The following SLC6A20 variants were observed in gnomAD, a reference collection of about 807,000 sequenced individuals.
SLC6A20 encodes the protein solute carrier family 6 member 20.
A neutral mutation model predicts 64.3 loss-of-function variants in SLC6A20; 73 were observed. The ratio of observed to expected loss-of-function variants is 1.14; its 90% confidence interval spans 0.94 to 1.38. SLC6A20 has a LOEUF of 1.38. SLC6A20 is among the 40% of genes most tolerant of loss of function. SLC6A20 has a pLI of 0.00. For missense variants in SLC6A20, 725 were observed against 772.8 expected (o/e 0.94, Z 0.73); for synonymous variants, 347 against 329.6 (o/e 1.05, Z -0.57).
intron 2 of SLC6A20, among the ~76,000 whole-genome samples, chr3:45,780,800 G>A (rs1210655945): frequency 1.3e-5 from 2 of 152,170 alleles, no homozygotes; most frequent in Non-Finnish European, 2.9e-5. Context: ...GTAGAAACCG[G>A]CCATGGTGCC....
chr3:45,785,813 GC>G (rs1324302159), intron 1 of SLC6A20, among the ~76,000 whole-genome samples: 4 of 152,204 alleles, frequency 2.6e-5, no homozygotes, highest in Non-Finnish European at 5.9e-5. Context: ...TGGCCTTGGG[GC>G]TGGCTTTGTC....
intron 3 of SLC6A20, among the ~76,000 whole-genome samples, chr3:45,776,227 G>A (rs1252426300): frequency 2.0e-5 from 3 of 152,144 alleles, no homozygotes; most frequent in Non-Finnish European, 4.4e-5. Flanking sequence ...TTCTACGGGT[G>A]TTCCTTGAGG....
rs1251178708 is a variant in SLC6A20 at position 45,765,787 on chromosome 3, A to G, written c.1099-46T>C. 5 of 1,606,406 alleles carry G rather than the reference A, an allele frequency of 3.1e-6. No individual in the cohort carries two copies. In the African/African-American group the frequency reaches 4.0e-5, roughly 13 times the overall value. ...CCAGTTACATGCAAGAGGGACTTAT[A>G]GTCTTATTCACGCACTCAGTACTAA... is the stretch of plus-strand genomic sequence containing the variant. On this transcript the variant is annotated intron_variant, in intron 7 of 10. Coordinates refer to ENST00000358525, the MANE Select transcript of SLC6A20 (RefSeq NM_020208.4). The surrounding 1 kb of genome is among the most constrained non-coding windows in gnomAD (Gnocchi z 4.2).
intron 3 of SLC6A20, among the ~76,000 whole-genome samples, chr3:45,776,764 A>G (rs1699975408): frequency 1.3e-5 from 2 of 152,258 alleles, no homozygotes; most frequent in South Asian, 4.1e-4. Context: ...GAGAACAAGC[A>G]GAGGCTGTTT....
At chr3:45,774,137 G>A (rs1323369016) in intron 4 of SLC6A20, among the ~76,000 whole-genome samples, 1 of 152,238 alleles carries the variant, frequency 6.6e-6, no homozygotes, top group Non-Finnish European at 1.5e-5. Context: ...TCCAACAGAG[G>A]ATGCCAGGAA....
chr3:45,777,932 T>C (rs1699998501), intron 3 of SLC6A20, among the ~76,000 whole-genome samples: 1 of 152,108 alleles, frequency 6.6e-6, no homozygotes, highest in Non-Finnish European at 1.5e-5. Context: ...GGATAGGGCC[T>C]GGTCATTGGA....
chr3:45,766,680 C>T (rs191548388), intron 7 of SLC6A20, among the ~76,000 whole-genome samples: 83 of 152,318 alleles, frequency 5.4e-4, no homozygotes, highest in African/African-American at 1.7e-3. Context: ...TCTGACCAGA[C>T]TGTAGCCTTA....
In SLC6A20 at chr3:45,762,875, G is replaced by A. The variant is rs756882702; in HGVS notation, c.1463+38C>T. 8 of 1,610,510 alleles carry A rather than the reference G, an allele frequency of 5.0e-6. No individual in the cohort carries two copies. The Admixed American group carries it at 1.2e-4, about 24-fold the overall frequency. On this transcript the variant is annotated intron_variant, in intron 9 of 10. Transcript: ENST00000358525. ...TGAGGGGCGTGGCCTCTGTGGCTGTGTTTTCCCTATGCAAATGAGGGTCCT... is the reference window on the plus strand; with the variant it reads ...TGAGGGGCGTGGCCTCTGTGGCTGTATTTTCCCTATGCAAATGAGGGTCCT...
At chr3:45,771,782 T>C (rs1164656480) in intron 5 of SLC6A20, 13 of 430,070 alleles carry the variant, frequency 3.0e-5, no homozygotes, top group Non-Finnish European at 5.6e-5. Flanking sequence ...CTCACCACTA[T>C]ACGCCAGTGC....
intron 1 of SLC6A20, chr3:45,791,809 G>A (rs1177710879): frequency 6.6e-6 from 1 of 152,184 alleles, no homozygotes; most frequent in Non-Finnish European, 1.5e-5. Flanking sequence ...TCACTATCAC[G>A]AGAACAGCAC....
rs751086599 is a variant in SLC6A20 at position 45,763,045 on chromosome 3, A to G, written c.1331T>C (p.Ile444Thr). Residue 444 changes from isoleucine to threonine, a missense_variant, in exon 9 of 11, where the codon ATT becomes ACT. Physicochemically the swap from Ile to Thr is moderately conservative, Grantham distance 89 (BLOSUM62 -1). Coordinates refer to ENST00000358525, the MANE Select transcript of SLC6A20 (RefSeq NM_020208.4). ...SGLVCLVNCA[I>T]GMVFTMEAGN... is the part of the protein sequence containing the mutation. ...AGCCTCCATCGTGAACACCATGCCAATGGCACAGTTGACAAGGCACACCAG... is the reference window on the plus strand; with the variant it reads ...AGCCTCCATCGTGAACACCATGCCAGTGGCACAGTTGACAAGGCACACCAG... The G allele has an allele frequency of 1.1e-5, 18 of 1,613,978 alleles. No homozygotes were observed. The highest frequency in any genetic ancestry group is 2.2e-5 in the South Asian group (2 of 91,076).
intron 5 of SLC6A20, 101 bp downstream of exon 5, chr3:45,772,404 C>T (rs974796370): frequency 4.8e-6 from 5 of 1,050,914 alleles, no homozygotes; most frequent in Admixed American, 2.7e-5. Flanking sequence ...TCCGTAGGTA[C>T]AGCGTTGGCC....
chr3:45,772,459 G>A, intron 5 of SLC6A20, 46 bp downstream of exon 5: 1 of 1,538,810 alleles, frequency 6.5e-7, no homozygotes, highest in Non-Finnish European at 8.9e-7. Context: ...GAAGGTGGCA[G>A]GATAAGTGAG....
intron 1 of SLC6A20, among the ~76,000 whole-genome samples, chr3:45,783,050 C>T (rs1700123303): frequency 6.6e-6 from 1 of 152,254 alleles, no homozygotes; most frequent in Non-Finnish European, 1.5e-5. Context: ...TGTGCACAGC[C>T]CTGATGGTGC....
At chr3:45,772,702 G>A (rs1205607306) in intron 4 of SLC6A20, 87 bp from the exon 5 acceptor site, 1 of 1,072,846 alleles carries the variant, frequency 9.3e-7, no homozygotes, top group African/African-American at 1.6e-5. Context: ...CACATCTGGG[G>A]TATTCAGGCT....
chr3:45,759,716 A>G lies in SLC6A20; in HGVS notation c.1629+141T>C, dbSNP rs575449683. ...CTCCTCCGTGCTGGACTATTTCTAA[A>G]ATACCTCAGTGATATTTCCATGTCG... On this transcript the variant is annotated intron_variant, in intron 10 of 10. Transcript: ENST00000358525. 23 of 1,149,954 alleles carry G rather than the reference A, an allele frequency of 2.0e-5. No individual in the cohort carries two copies. In the African/African-American group the frequency reaches 3.6e-4, roughly 18 times the overall value. The allele number at this position is 1,149,954 out of a possible 1,614,324, so 71.2% of individuals were successfully genotyped here.
chr3:45,763,451 C>T (rs1699720975), intron 8 of SLC6A20, among the ~76,000 whole-genome samples: 1 of 152,168 alleles, frequency 6.6e-6, no homozygotes, highest in Non-Finnish European at 1.5e-5. Flanking sequence ...AGCCCTGGAG[C>T]TCATGAGAAA....
intron 1 of SLC6A20, among the ~76,000 whole-genome samples, chr3:45,793,488 TA>T (rs1184856022): frequency 1.3e-5 from 2 of 151,176 alleles, no homozygotes; most frequent in African/African-American, 4.9e-5. Flanking sequence ...AGCTGCCTTT[TA>T]TTTTTTATTT....
chr3:45,776,105 C>T lies in SLC6A20; in HGVS notation c.355-117G>A, dbSNP rs1050605714. On this transcript the variant is annotated intron_variant, in intron 3 of 10. Transcript: ENST00000358525. ...CTTGGAAGAGAAGGGTGCTGGTCCC[C>T]GAAGGGCAGGTGGCTGGAGCCCCTG... The T allele has an allele frequency of 5.1e-5, 50 of 984,830 alleles. No homozygotes were observed. The Admixed American group carries it at 5.8e-4, about 11-fold the overall frequency. The allele number at this position is 984,830 out of a possible 1,614,324, so 61.0% of individuals were successfully genotyped here. A position where few individuals can be genotyped will look rare whatever the true frequency, so the allele number is the denominator to read the frequency against.
Sources: allele counts gnomAD v4.1 joint callset (sites outside exome capture counted in the v4.1 genomes callset), GRCh38; gene constraint gnomAD v4.1.1; non-coding constraint Gnocchi (gnomAD v3.1); transcripts MANE v1.5; gene names NCBI Gene and HGNC (gene_info 2026-07-23, HGNC 2026-07-21).